Variants in ADGRB3 observed in about 807,000 individuals in gnomAD.
ADGRB3 encodes the protein brain-specific angiogenesis inhibitor 3.
A neutral mutation model predicts 193.4 loss-of-function variants in ADGRB3; 37 were observed. The observed-to-expected ratio is 0.19, with a 90% CI of 0.15 to 0.25. The LOEUF (loss-of-function observed/expected upper bound fraction) is 0.25. ADGRB3 is among the 10% of genes least tolerant of loss of function. The pLI, the probability that ADGRB3 is intolerant of heterozygous loss-of-function variation, is 1.00. For synonymous variants in ADGRB3, 690 were observed against 644.2 expected, an observed-to-expected ratio of 1.07 and a Z score of -1.08; for missense variants, 1,637 against 1,852.9, an observed-to-expected ratio of 0.88 and a Z score of 2.14.
At chr6:69,001,053 AT>A (rs1017353013) in intron 11 of ADGRB3, among the ~76,000 whole-genome samples, 1 of 152,212 alleles carries the variant, frequency 6.6e-6, no homozygotes, top group Non-Finnish European at 1.5e-5. Context: ...AGAAAAAAAA[AT>A]AACTTGAATG....
At chr6:68,949,815 A>G (rs1229256987) in intron 6 of ADGRB3, among the ~76,000 whole-genome samples, 1 of 152,114 alleles carries the variant, frequency 6.6e-6, no homozygotes, top group African/African-American at 2.4e-5. Context: ...AGATTTTTAA[A>G]TTAATTGTGT....
At position 68,719,684 on chromosome 6, in the gene ADGRB3, T is replaced by C. The variant is rs564160403; in HGVS notation, c.757+80252T>C. The stretch of plus-strand genomic sequence containing the variant: ...AAAGCTCTTACAGATACAATTTCTC[T>C]TCTCCTATTTTCTTTTTTTTTCTTT... On this transcript the variant is annotated intron_variant, in intron 3 of 31. Transcript: ENST00000370598. 2.3e-4 allele frequency among the ~76,000 whole-genome samples: 35 copies of C among 151,810 alleles called. No homozygotes were observed. The South Asian group carries it at 6.2e-3, about 27-fold the overall frequency.
chr6:69,183,242 T>C (rs944309794), intron 17 of ADGRB3, among the ~76,000 whole-genome samples: 1 of 152,166 alleles, frequency 6.6e-6, no homozygotes, highest in African/African-American at 2.4e-5. Context: ...GCTGCTTTAC[T>C]TCCTTTCAAA....
At chr6:69,130,395 T>C in intron 17 of ADGRB3, among the ~76,000 whole-genome samples, 1 of 151,800 alleles carries the variant, frequency 6.6e-6, no homozygotes, top group East Asian at 1.9e-4. Flanking sequence ...TATCTTAGTA[T>C]GCCCAGTTCT....
chr6:68,713,113 T>A (rs1190380338), intron 3 of ADGRB3, among the ~76,000 whole-genome samples: 1 of 151,890 alleles, frequency 6.6e-6, no homozygotes, highest in Non-Finnish European at 1.5e-5. Flanking sequence ...TTCTTTCAGA[T>A]AAAACTTAGG....
chr6:69,118,686 A>G (rs182886968), intron 17 of ADGRB3, among the ~76,000 whole-genome samples: 1 of 151,994 alleles, frequency 6.6e-6, no homozygotes, highest in East Asian at 1.9e-4. Context: ...GTCAGATCAC[A>G]GTCCCAGATG....
At chr6:68,795,248 T>G (rs1767183729) in intron 3 of ADGRB3, among the ~76,000 whole-genome samples, 1 of 151,988 alleles carries the variant, frequency 6.6e-6, no homozygotes, top group African/African-American at 2.4e-5. Flanking sequence ...AGTCTTGTAA[T>G]TAGTGTCTGG....
At chr6:68,972,884 G>T (rs2150264490) in intron 8 of ADGRB3, among the ~76,000 whole-genome samples, 1 of 152,232 alleles carries the variant, frequency 6.6e-6, no homozygotes, top group Admixed American at 6.5e-5. Flanking sequence ...AAGAAGGTGA[G>T]AAAAGTCAAA....
intron 20 of ADGRB3, among the ~76,000 whole-genome samples, chr6:69,323,619 G>T (rs1768509068): frequency 6.6e-6 from 1 of 151,976 alleles, no homozygotes; most frequent in African/African-American, 2.4e-5. Context: ...TTATAATAAT[G>T]ATGATAATAG....
intron 17 of ADGRB3, among the ~76,000 whole-genome samples, chr6:69,177,805 G>A (rs1775467749): frequency 2.0e-5 from 3 of 152,114 alleles, no homozygotes; most frequent in African/African-American, 7.2e-5. Flanking sequence ...CAGTATGATT[G>A]ATATGATTTC....
intron 3 of ADGRB3, among the ~76,000 whole-genome samples, chr6:68,922,325 G>A (rs1767066198): frequency 6.6e-6 from 1 of 152,170 alleles, no homozygotes; most frequent in South Asian, 2.1e-4. Context: ...GTCTCATGTG[G>A]ATGCCAGCTA....
intron 29 of ADGRB3, among the ~76,000 whole-genome samples, chr6:69,367,725 G>C (rs1769605105): frequency 6.6e-6 from 1 of 151,928 alleles, no homozygotes; most frequent in African/African-American, 2.4e-5. Context: ...ATTCACAATA[G>C]CAAAGACTTG....
intron 16 of ADGRB3, 128 bp downstream of exon 16, chr6:69,063,164 G>C (rs1013229898): frequency 1.7e-6 from 1 of 603,742 alleles, no homozygotes; most frequent in African/African-American, 1.9e-5. Flanking sequence ...CTTGTTATGA[G>C]TATGTGTATT....
At chr6:68,716,346 G>A (rs1383464316) in intron 3 of ADGRB3, among the ~76,000 whole-genome samples, 1 of 151,686 alleles carries the variant, frequency 6.6e-6, no homozygotes, top group Non-Finnish European at 1.5e-5. Flanking sequence ...AGATTGAATT[G>A]TTATTATCCT....
chr6:69,041,094 A>C (rs971108656), intron 13 of ADGRB3, among the ~76,000 whole-genome samples: 2 of 152,142 alleles, frequency 1.3e-5, no homozygotes, highest in Non-Finnish European at 2.9e-5. Context: ...ATGCCCTCCT[A>C]AGCTGCTTTG....
intron 13 of ADGRB3, among the ~76,000 whole-genome samples, chr6:69,036,687 A>G (rs559355238): frequency 1.3e-5 from 2 of 152,252 alleles, no homozygotes; most frequent in East Asian, 1.9e-4. Flanking sequence ...AGACCCATGG[A>G]TAAGTACAAG....
chr6:69,106,501 A>G (rs1258776313), intron 17 of ADGRB3, among the ~76,000 whole-genome samples: 1 of 152,234 alleles, frequency 6.6e-6, no homozygotes, highest in East Asian at 1.9e-4. Flanking sequence ...CTTCCATAAG[A>G]AAGTAAATCA....
chr6:69,027,720 G>A (rs755328907), intron 13 of ADGRB3, among the ~76,000 whole-genome samples: 60 of 152,242 alleles, frequency 3.9e-4, no homozygotes, highest in Middle Eastern at 3.4e-3. Context: ...GAGAACAGAG[G>A]TTTGGGTCAA....
chr6:69,145,445 A>G (rs1774462650), intron 17 of ADGRB3, among the ~76,000 whole-genome samples: 1 of 152,176 alleles, frequency 6.6e-6, no homozygotes, highest in South Asian at 2.1e-4. Context: ...GCCCTGGCTC[A>G]GGGAGCTCCT....
Sources: gnomAD v4.1 joint callset for allele counts (sites outside exome capture counted in the v4.1 genomes callset) on GRCh38, gnomAD v4.1.1 for gene constraint, MANE v1.5 for transcripts, NCBI Gene and HGNC (gene_info 2026-07-23, HGNC 2026-07-21) for gene names.